The following ATP9B variants were observed in gnomAD, a reference collection of about 807,000 sequenced individuals.
The protein encoded by ATP9B is ATPase phospholipid transporting 9B, also known as probable phospholipid-transporting ATPase IIB.
ATP9B carries 110 observed loss-of-function variants against 146.1 expected under a neutral mutation model. The ratio of observed to expected loss-of-function variants is 0.75; its 90% CI spans 0.65 to 0.88. ATP9B has a LOEUF of 0.88. Among genes scored for constraint, ATP9B ranks in the 40% least tolerant of loss-of-function variants. ATP9B has a pLI of 0.00. For missense variants in ATP9B, 1,499 were observed against 1,496.4 expected (o/e 1.00, Z -0.03); for synonymous variants, 604 against 569.7 (o/e 1.06, Z -0.86).
intron 26 of ATP9B, among the ~76,000 whole-genome samples, chr18:79,369,290 T>A (rs2097054708): frequency 2.7e-5 from 4 of 145,918 alleles, no homozygotes; most frequent in Admixed American, 2.7e-4. Context: ...ATCCCAGCAC[T>A]TTGGGAGGCC....
At chr18:79,073,069 T>G (rs966209082) in intron 1 of ATP9B, among the ~76,000 whole-genome samples, 1 of 144,762 alleles carries the variant, frequency 6.9e-6, no homozygotes, top group Non-Finnish European at 1.5e-5. Flanking sequence ...TCCCAGATGA[T>G]GGGCCGCCAG....
At chr18:79,103,267 GTTTTTTT>G (rs76907504) in intron 2 of ATP9B, among the ~76,000 whole-genome samples, 1 of 133,310 alleles carries the variant, frequency 7.5e-6, no homozygotes, top group Middle Eastern at 3.9e-3. Flanking sequence ...ACTATTTGTA[GTTTTTTT>G]TTTTTTTTTT....
chr18:79,348,261 A>C lies in ATP9B; in HGVS notation c.2903+65A>C, dbSNP rs868592461. 1.3e-3 allele frequency: 1,677 copies of C among 1,338,116 alleles called. 44 individuals carry two copies. In the African/African-American group the frequency reaches 0.022, roughly 17 times the overall value. The allele number at this position is 1,338,116 out of a possible 1,614,324, so 82.9% of individuals were successfully genotyped here. On this transcript the variant is annotated intron_variant, in intron 25 of 29. Transcript: ENST00000426216. ...GACTTCTATTTTGAAAAAAAAAAAA[A>C]AAAAAAAACAAAAAACGTATATAGA...
In ATP9B at chr18:79,373,929, C is replaced by G. The variant is rs1362271398; in HGVS notation, c.3102C>G (p.Leu1034=). The G allele has an allele frequency of 1.2e-6, 2 of 1,613,240 alleles. No individual in the cohort carries two copies. The highest frequency in any genetic ancestry group is 1.7e-6 in the Non-Finnish European group (2 of 1,180,030). ...TCCTCATGTATGGGGCCCTGGTGCT[C>G]TTCGAGTCTGAGTTCGTCCACGTGG... ...GGILMYGALV[L]FESEFVHVVA... The change falls in exon 28 of 30, where the codon CTC becomes CTG. Residue 1034 remains leucine, a synonymous_variant. Transcript: ENST00000426216.
intron 25 of ATP9B, among the ~76,000 whole-genome samples, chr18:79,350,830 G>A (rs777744985): frequency 1.0e-4 from 15 of 148,834 alleles, no homozygotes; most frequent in Non-Finnish European, 1.0e-4. Flanking sequence ...GTGCAGTGGT[G>A]TGATCTCAGC....
intron 1 of ATP9B, chr18:79,086,261 G>A (rs3017663): frequency 0.13 from 20,034 of 151,688 alleles, 1,910 homozygotes; most frequent in African/African-American, 0.27. Flanking sequence ...CCAAGGTGGT[G>A]AAACCCTGTA....
At chr18:79,147,484 G>C (rs1350006000) in intron 6 of ATP9B, among the ~76,000 whole-genome samples, 1 of 152,180 alleles carries the variant, frequency 6.6e-6, no homozygotes, top group East Asian at 1.9e-4. Context: ...ATCACACAGA[G>C]TGTGTTCTCT....
intron 12 of ATP9B, among the ~76,000 whole-genome samples, chr18:79,264,239 C>T (rs943277010): frequency 2.0e-5 from 3 of 152,202 alleles, no homozygotes; most frequent in Non-Finnish European, 4.4e-5. Flanking sequence ...ACATCCTCAG[C>T]AACACTTAAT....
intron 12 of ATP9B, among the ~76,000 whole-genome samples, chr18:79,266,725 T>C (rs1599417933): frequency 6.6e-6 from 1 of 152,238 alleles, no homozygotes; most frequent in African/African-American, 2.4e-5. Flanking sequence ...TCTTCTTTAA[T>C]GTATTAACAC....
intron 11 of ATP9B, among the ~76,000 whole-genome samples, chr18:79,228,688 G>GT (rs1463013990): frequency 1.3e-5 from 2 of 151,978 alleles, no homozygotes; most frequent in Non-Finnish European, 2.9e-5. Flanking sequence ...ACTATTTTTG[G>GT]TTTTTAAAAA....
intron 13 of ATP9B, among the ~76,000 whole-genome samples, chr18:79,302,940 T>A (rs1027989813): frequency 6.6e-6 from 1 of 152,212 alleles, no homozygotes; most frequent in Non-Finnish European, 1.5e-5. Context: ...ATTGTAATTA[T>A]AAAGGTGGTG....
intron 7 of ATP9B, among the ~76,000 whole-genome samples, chr18:79,173,424 T>A (rs896535506): frequency 6.8e-6 from 1 of 147,964 alleles, no homozygotes; most frequent in Non-Finnish European, 1.5e-5. Context: ...GGATTTCTTC[T>A]TGTGGTGGTT....
intron 11 of ATP9B, among the ~76,000 whole-genome samples, chr18:79,229,043 CA>C (rs1019861169): frequency 6.9e-4 from 105 of 151,774 alleles, no homozygotes; most frequent in African/African-American, 2.4e-3. Context: ...TACAAGCAAA[CA>C]AAAAAAGGTA....
chr18:79,358,877 G>A (rs1238149041), intron 25 of ATP9B, among the ~76,000 whole-genome samples: 1 of 134,496 alleles, frequency 7.4e-6, no homozygotes, highest in Non-Finnish European at 1.6e-5. Flanking sequence ...GTCTGGAGGT[G>A]TCTGTGTGAG....
chr18:79,140,608 C>G (rs1184521557), intron 5 of ATP9B, among the ~76,000 whole-genome samples: 4 of 151,544 alleles, frequency 2.6e-5, no homozygotes, highest in African/African-American at 7.3e-5. Context: ...AACCCTGTCT[C>G]TACTAAAAAT....
At chr18:79,260,566 A>G (rs1002679347) in intron 12 of ATP9B, among the ~76,000 whole-genome samples, 3 of 152,356 alleles carry the variant, frequency 2.0e-5, no homozygotes, top group East Asian at 1.9e-4. Context: ...GTGGACTCTC[A>G]GGATATGCAC....
chr18:79,347,841 G>C lies in ATP9B; in HGVS notation c.2754G>C (p.Met918Ile). 6.2e-7 allele frequency: 1 copy of C among 1,613,650 alleles called. No homozygotes were observed. Among genetic ancestry groups the C allele is most frequent in the Non-Finnish European group, 8.5e-7 (1 of 1,179,772 alleles). ...TCCGGCACATAGGCAGGCTGCTCAT[G>C]GTGCACGGGCGGAACAGCTACAAGA... Reference protein sequence around the residue: ...TQFRHIGRLLMVHGRNSYKRS... With the variant: ...TQFRHIGRLLIVHGRNSYKRS... The change falls in exon 24 of 30, where the codon ATG becomes ATC. Residue 918 changes from methionine (M) to isoleucine (I), a missense_variant. Coordinates refer to ENST00000426216, the MANE Select transcript of ATP9B (RefSeq NM_198531.5).
intron 11 of ATP9B, among the ~76,000 whole-genome samples, chr18:79,225,292 A>G (rs906815171): frequency 2.6e-5 from 4 of 152,254 alleles, no homozygotes; most frequent in African/African-American, 9.6e-5. Context: ...AAACATGTAT[A>G]TAATAAGCTA....
intron 11 of ATP9B, among the ~76,000 whole-genome samples, chr18:79,215,020 T>C (rs147625208): frequency 0.021 from 3,134 of 151,666 alleles, 118 homozygotes; most frequent in African/African-American, 0.072. Flanking sequence ...TGATGACGGG[T>C]GCCTGTAGTC....
Sources: allele counts gnomAD v4.1 joint callset (sites outside exome capture counted in the v4.1 genomes callset), GRCh38; gene constraint gnomAD v4.1.1; transcripts MANE v1.5; gene names NCBI Gene and HGNC (gene_info 2026-07-23, HGNC 2026-07-21).